THSD4: variants seen among roughly 807,000 people sequenced by gnomAD.
THSD4 encodes thrombospondin type-1 domain-containing protein 4.
THSD4 carries 69 observed loss-of-function variants against 119.0 expected under a neutral mutation model. The ratio of observed to expected loss-of-function variants is 0.58; its 90% CI spans 0.48 to 0.71. The LOEUF (loss-of-function observed/expected upper bound fraction) is 0.71. Ranked by LOEUF, THSD4 falls within the 30% of genes least tolerant of loss-of-function variation. THSD4 has a pLI of 0.00. For synonymous variants in THSD4, 524 were observed against 540.4 expected, an observed-to-expected ratio of 0.97 and a Z score of 0.42; for missense variants, 1,393 against 1,391.1, an observed-to-expected ratio of 1.00 and a Z score of -0.02.
intron 13 of THSD4, 23 bp from the exon 14 acceptor site, chr15:71,748,398 G>C (rs748205081): frequency 6.2e-7 from 1 of 1,612,984 alleles, no homozygotes; most frequent in South Asian, 1.1e-5. Context: ...TGGTTCCCCT[G>C]ACGTCAGTGT....
intron 6 of THSD4, among the ~76,000 whole-genome samples, chr15:71,377,214 C>G (rs1329593593): frequency 6.6e-6 from 1 of 152,078 alleles, no homozygotes; most frequent in Non-Finnish European, 1.5e-5. Flanking sequence ...AAGAGGGATG[C>G]CCAGTGGGGA....
intron 3 of THSD4, among the ~76,000 whole-genome samples, chr15:71,156,622 T>C (rs184219784): frequency 3.9e-5 from 6 of 152,294 alleles, no homozygotes; most frequent in East Asian, 3.9e-4. Context: ...AAAAAGAGTA[T>C]GTGCACATAT....
At chr15:71,173,604 A>G (rs972881339) in intron 3 of THSD4, among the ~76,000 whole-genome samples, 1 of 150,400 alleles carries the variant, frequency 6.6e-6, no homozygotes, top group Non-Finnish European at 1.5e-5. Flanking sequence ...TTATATATAT[A>G]TGGACAATTG....
upstream of THSD4, among the ~76,000 whole-genome samples, chr15:71,112,535 C>T (rs1199520630): frequency 6.6e-6 from 1 of 152,142 alleles, no homozygotes; most frequent in Non-Finnish European, 1.5e-5. Context: ...AACAATGTGG[C>T]TATTTTATGA....
intron 7 of THSD4, among the ~76,000 whole-genome samples, chr15:71,470,836 C>T (rs1192119978): frequency 6.6e-6 from 1 of 151,918 alleles, no homozygotes; most frequent in Non-Finnish European, 1.5e-5. Context: ...GGGGTTTCAC[C>T]TTGTTAGCCA....
intron 11 of THSD4, among the ~76,000 whole-genome samples, chr15:71,744,508 G>A (rs753320100): frequency 4.6e-5 from 7 of 152,086 alleles, no homozygotes; most frequent in African/African-American, 1.4e-4. Context: ...CTGCTCTTCC[G>A]CCCTTTCTTG....
intron 7 of THSD4, among the ~76,000 whole-genome samples, chr15:71,459,728 T>C (rs2047401238): frequency 6.6e-6 from 1 of 152,118 alleles, no homozygotes; most frequent in Admixed American, 6.5e-5. Flanking sequence ...AAAAGTTACA[T>C]ATAATAACTA....
At chr15:71,372,080 A>G (rs1391718450) in intron 6 of THSD4, among the ~76,000 whole-genome samples, 1 of 152,194 alleles carries the variant, frequency 6.6e-6, no homozygotes, top group Non-Finnish European at 1.5e-5. Context: ...TTGGTTACTG[A>G]AGCTTGTGCA....
At chr15:71,690,642 A>G (rs1312429972) in intron 8 of THSD4, among the ~76,000 whole-genome samples, 2 of 152,352 alleles carry the variant, frequency 1.3e-5, no homozygotes, top group East Asian at 3.9e-4. Context: ...TACAAAAGAA[A>G]GAAGTTTAAT....
chr15:71,222,327 C>T (rs28700084), intron 4 of THSD4, among the ~76,000 whole-genome samples: 16,158 of 152,156 alleles, frequency 0.11, 1,302 homozygotes, highest in African/African-American at 0.22. Flanking sequence ...CTAAAGGGCC[C>T]GATATCAGGC....
chr15:71,662,094 G>A (rs2051320878), intron 8 of THSD4, among the ~76,000 whole-genome samples: 1 of 152,178 alleles, frequency 6.6e-6, no homozygotes, highest in African/African-American at 2.4e-5. Context: ...TTCCTCTGGT[G>A]TGCCACTGGC....
At position 71,411,699 on chromosome 15, in the gene THSD4, G is replaced by A. The variant is rs183837037; in HGVS notation, c.1028G>A (p.Arg343His). 16 of 1,613,548 alleles carry A rather than the reference G, an allele frequency of 9.9e-6. No homozygotes were observed. Among genetic ancestry groups the A allele is most frequent in the Admixed American group, 6.7e-5 (4 of 59,976 alleles). Reference protein sequence around the residue: ...WEPFAEVKGNRKCELNCQAMG... With the variant: ...WEPFAEVKGNHKCELNCQAMG... ...TTTACTTTGGTAGTAAAAGGCAATC[G>A]CAAATGTGAGTTGAACTGCCAGGCA... The change falls in exon 7 of 18, where the codon CGC becomes CAC. Residue 343 changes from arginine to histidine, a missense_variant. Coordinates refer to ENST00000261862, the MANE Select transcript of THSD4 (RefSeq NM_024817.3).
At chr15:71,547,778 G>GAAAA (rs11424835) in intron 7 of THSD4, 1 of 191,344 alleles carries the variant, frequency 5.2e-6, no homozygotes, top group South Asian at 1.8e-4. Flanking sequence ...TGCTGTAGCA[G>GAAAA]AAAAAAAAAA....
chr15:71,475,495 G>T (rs1309750660), intron 7 of THSD4, among the ~76,000 whole-genome samples: 2 of 152,148 alleles, frequency 1.3e-5, no homozygotes, highest in Non-Finnish European at 2.9e-5. Flanking sequence ...TGGGGATCTT[G>T]TTAAAATGCA....
chr15:71,543,134 A>G (rs770021729), intron 7 of THSD4, among the ~76,000 whole-genome samples: 29 of 152,346 alleles, frequency 1.9e-4, no homozygotes, highest in Admixed American at 1.8e-3. Flanking sequence ...TATTGTGCCA[A>G]TGTTAACATC....
chr15:71,595,490 C>T (rs897774401), intron 7 of THSD4, among the ~76,000 whole-genome samples: 2 of 152,148 alleles, frequency 1.3e-5, no homozygotes, highest in Non-Finnish European at 2.9e-5. Context: ...CGCCTCCTGC[C>T]ATGATTCGGA....
chr15:71,365,942 T>G (rs2045956143), intron 6 of THSD4, among the ~76,000 whole-genome samples: 1 of 152,116 alleles, frequency 6.6e-6, no homozygotes, highest in Non-Finnish European at 1.5e-5. Context: ...GATCAAAACT[T>G]GCTTTAAAGT....
chr15:71,550,529 C>T (rs754686358), intron 7 of THSD4, among the ~76,000 whole-genome samples: 5 of 152,164 alleles, frequency 3.3e-5, no homozygotes, highest in East Asian at 1.9e-4. Flanking sequence ...CTCCGCCTCC[C>T]GGGTTCACGC....
chr15:71,473,484 G>T (rs2047612937), intron 7 of THSD4, among the ~76,000 whole-genome samples: 1 of 152,188 alleles, frequency 6.6e-6, no homozygotes, highest in Non-Finnish European at 1.5e-5. Context: ...CGCTGTTTCT[G>T]AGCCTTCAAA....
Sources: allele counts gnomAD v4.1 joint callset (sites outside exome capture counted in the v4.1 genomes callset), GRCh38; gene constraint gnomAD v4.1.1; transcripts MANE v1.5; gene names NCBI Gene and HGNC (gene_info 2026-07-23, HGNC 2026-07-21).